The following ZNF318 variants were observed in gnomAD, a reference collection of about 807,000 sequenced individuals.
The protein encoded by ZNF318 is zinc finger protein 318.
In ZNF318, 51 loss-of-function variants were observed where a neutral mutation model predicts 124.2. That is an observed-to-expected ratio of 0.41 (90% CI 0.33 to 0.52). The LOEUF is 0.52. ZNF318 is among the 20% of genes least tolerant of loss of function. The probability of loss-of-function intolerance (pLI) is 0.23; values close to 1 mark genes in which losing one functional copy is unlikely to be tolerated. For missense variants in ZNF318, 2,815 were observed against 2,811.2 expected (o/e 1.00, Z -0.03); for synonymous variants, 1,090 against 1,040.7 (o/e 1.05, Z -0.91).
rs1779289676 is a variant in ZNF318 at position 43,337,059 on chromosome 6, G to A, written c.*99C>T. On this transcript the variant is annotated 3_prime_UTR_variant, in exon 10 of 10. Transcript: ENST00000361428. ...TAAGATGCTGACTGCATCTCTTGGTGTAGGTTCCAGATGAGATAACAAACT... is the reference window on the plus strand; with the variant it reads ...TAAGATGCTGACTGCATCTCTTGGTATAGGTTCCAGATGAGATAACAAACT... 3.5e-6 allele frequency: 4 copies of A among 1,155,912 alleles called. No individual in the cohort carries two copies. Among genetic ancestry groups the A allele is most frequent in the East Asian group, 2.5e-5 (1 of 39,288 alleles). 71.6% of individuals were successfully genotyped at this position (1,155,912 alleles called of 1,614,324 possible).
intron 2 of ZNF318, among the ~76,000 whole-genome samples, chr6:43,364,580 T>C (rs1004338796): frequency 1.3e-5 from 2 of 152,228 alleles, no homozygotes; most frequent in African/African-American, 4.8e-5. Flanking sequence ...ATAACAGTCA[T>C]GGTCTCAGCT....
intron 1 of ZNF318, among the ~76,000 whole-genome samples, chr6:43,368,043 A>T (rs939311868): frequency 3.9e-5 from 6 of 152,160 alleles, no homozygotes; most frequent in African/African-American, 1.2e-4. Flanking sequence ...ATAATAATAA[A>T]AAGATTGATG....
chr6:43,364,266 C>G (rs561332503), intron 2 of ZNF318: 48 of 507,098 alleles, frequency 9.5e-5, no homozygotes, highest in Non-Finnish European at 1.5e-4. Flanking sequence ...GTGCAGAGGA[C>G]GTAGGCTCCA....
Position 43,339,600 on chromosome 6 carries a change from A to T in ZNF318, c.4398T>A (p.Ala1466=). ...PVIPHPAAPS[A]AQANAILAPV... ...GAGCCAAGATAGCATTTGCTTGAGC[A>T]GCAGACGGGGCAGCTGGATGAGGTA... Residue 1466 remains alanine, a synonymous_variant, in exon 10 of 10, where the codon GCT becomes GCA. Coordinates refer to ENST00000361428, the MANE Select transcript of ZNF318 (RefSeq NM_014345.3). This position sits in a 1 kb window ranked among gnomAD's most constrained non-coding sequence, Gnocchi z 4.2. The T allele has an allele frequency of 6.9e-7, 1 of 1,447,870 alleles. No homozygotes were observed. The highest frequency in any genetic ancestry group is 9.3e-7 in the Non-Finnish European group (1 of 1,080,600). The allele number at this position is 1,447,870 out of a possible 1,614,324, so 89.7% of individuals were successfully genotyped here. A position where few individuals can be genotyped will look rare whatever the true frequency, so the allele number is the denominator to read the frequency against.
chr6:43,364,437 C>G, intron 2 of ZNF318: 1 of 228,064 alleles, frequency 4.4e-6, no homozygotes, highest in South Asian at 1.0e-4. Flanking sequence ...ACTTCCTGCC[C>G]AGCTCTCCCC....
chr6:43,360,390 A>C (rs1314568596), intron 2 of ZNF318, among the ~76,000 whole-genome samples: 1 of 152,230 alleles, frequency 6.6e-6, no homozygotes, highest in African/African-American at 2.4e-5. Context: ...GGCTGTAGTA[A>C]GAACCCTAAA....
rs758275482 is a variant in ZNF318, at chr6:43,337,984, T to C, written c.6014A>G (p.Asp2005Gly). ...SKALEDFEAT[D>G]LKVEELTALG... ...GGCAGTAAGCTCCTCTACCTTTAAG[T>C]CTGTAGCTTCAAAGTCTTCTAGGGC... Residue 2005 changes from aspartate to glycine, a missense_variant, in exon 10 of 10, where the codon GAC becomes GGC. Coordinates refer to ENST00000361428, the MANE Select transcript of ZNF318 (RefSeq NM_014345.3). 12 of 1,614,194 alleles carry C rather than the reference T, an allele frequency of 7.4e-6. No individual in the cohort carries two copies. Among genetic ancestry groups the C allele is most frequent in the Non-Finnish European group, 1.0e-5 (12 of 1,180,044 alleles).
intron 4 of ZNF318, among the ~76,000 whole-genome samples, chr6:43,352,697 G>GT (rs869173647): frequency 4.1e-4 from 60 of 147,026 alleles, no homozygotes; most frequent in Non-Finnish European, 2.2e-4. Context: ...TTGTTTGTTT[G>GT]TTTTTTGCAG....
Position 43,352,838 on chromosome 6 carries a change from C to T in ZNF318, c.2671-362G>A, listed in dbSNP as rs1779548424. On this transcript the variant is annotated intron_variant, in intron 4 of 9. Transcript: ENST00000361428. ...TGTTGTTTATTTTCACTGCTCCTTGCAAACCAGGGATAACCCATAGGCAGT... is the reference window on the plus strand; with the variant it reads ...TGTTGTTTATTTTCACTGCTCCTTGTAAACCAGGGATAACCCATAGGCAGT... Among the ~76,000 whole-genome samples the T allele has an allele frequency of 2.0e-5, 3 of 152,340 alleles. No homozygotes were observed. In the South Asian group the frequency reaches 6.2e-4, roughly 32 times the overall value.
chr6:43,361,732 T>G lies in ZNF318; in HGVS notation c.548+3560A>C, dbSNP rs1426814785. The stretch of plus-strand genomic sequence containing the variant: ...TTTCATGTTCCCTTTTGAGTAGAAT[T>G]ACAGTCCTACATACAGGGCTGCTAA... On this transcript the variant is annotated intron_variant, in intron 2 of 9. Coordinates refer to ENST00000361428, the MANE Select transcript of ZNF318 (RefSeq NM_014345.3). 4.6e-5 allele frequency among the ~76,000 whole-genome samples: 7 copies of G among 152,194 alleles called. No individual in the cohort carries two copies. The East Asian group carries it at 1.3e-3, about 29-fold the overall frequency.
At chr6:43,368,255 GC>G (rs1229741195) in intron 1 of ZNF318, among the ~76,000 whole-genome samples, 1 of 152,200 alleles carries the variant, frequency 6.6e-6, no homozygotes, top group Non-Finnish European at 1.5e-5. Context: ...CCACCACTTA[GC>G]CGTGTCACCT....
intron 6 of ZNF318, among the ~76,000 whole-genome samples, chr6:43,345,877 C>A (rs571031496): frequency 1.3e-5 from 2 of 151,942 alleles, no homozygotes; most frequent in Non-Finnish European, 2.9e-5. Context: ...GAGGCTGAGG[C>A]GGGAGGATCA....
At chr6:43,367,968 T>C (rs1304319244) in intron 1 of ZNF318, among the ~76,000 whole-genome samples, 1 of 152,148 alleles carries the variant, frequency 6.6e-6, no homozygotes, top group Non-Finnish European at 1.5e-5. Flanking sequence ...GAGGTTACAG[T>C]GAGCTGAGAT....
chr6:43,347,412 G>A (rs544249964), intron 6 of ZNF318, among the ~76,000 whole-genome samples: 23 of 152,306 alleles, frequency 1.5e-4, no homozygotes, highest in Non-Finnish European at 2.6e-4. Context: ...GCATGGAATC[G>A]AGATTTACTT....
chr6:43,345,060 C>A (rs1208862258), intron 6 of ZNF318, among the ~76,000 whole-genome samples: 1 of 151,782 alleles, frequency 6.6e-6, no homozygotes, highest in East Asian at 1.9e-4. Flanking sequence ...GCCTTGGAAA[C>A]ATGGCGAAAC....
At position 43,355,747 on chromosome 6, in the gene ZNF318, G is replaced by A. The variant is rs777494018; in HGVS notation, c.1587C>T (p.Pro529=). 33 of 1,613,992 alleles carry A rather than the reference G, an allele frequency of 2.0e-5. No individual in the cohort carries two copies. Among genetic ancestry groups the A allele is most frequent in the African/African-American group, 1.2e-4 (9 of 74,896 alleles). The stretch of plus-strand genomic sequence containing the variant: ...GAAATTTCTCCTCATCTTCAATGTC[G>A]GGAAAGCTACGTCGCCTTTTTTCCT... ...STQEKRRRSF[P]DIEDEEKFLY... is the part of the protein sequence containing the mutation. Residue 529 remains proline, a synonymous_variant, in exon 4 of 10, where the codon CCC becomes CCT. Transcript: ENST00000361428.
At chr6:43,360,591 A>G (rs1779667573) in intron 2 of ZNF318, among the ~76,000 whole-genome samples, 1 of 152,248 alleles carries the variant, frequency 6.6e-6, no homozygotes, top group East Asian at 1.9e-4. Flanking sequence ...CTGTTAAACA[A>G]GTTTTTAAAA....
intron 3 of ZNF318, among the ~76,000 whole-genome samples, chr6:43,356,835 A>C (rs1372531022): frequency 6.6e-6 from 1 of 152,072 alleles, no homozygotes; most frequent in Non-Finnish European, 1.5e-5. Flanking sequence ...TTTCCAACAA[A>C]CCCATACTCA....
intron 5 of ZNF318, among the ~76,000 whole-genome samples, chr6:43,349,527 C>T (rs567128078): frequency 6.6e-6 from 1 of 151,784 alleles, no homozygotes; most frequent in East Asian, 1.9e-4. Flanking sequence ...ACCCAGCTGG[C>T]TTTTTTAATG....
Sources: allele counts gnomAD v4.1 joint callset (sites outside exome capture counted in the v4.1 genomes callset), GRCh38; gene constraint gnomAD v4.1.1; non-coding constraint Gnocchi (gnomAD v3.1); transcripts MANE v1.5; gene names NCBI Gene and HGNC (gene_info 2026-07-23, HGNC 2026-07-21).